ZDHHC21: variants seen among roughly 807,000 people sequenced by gnomAD.
ZDHHC21 encodes the protein zDHHC palmitoyltransferase 21, also known as palmitoyltransferase ZDHHC21.
Under a neutral mutation model 34.6 loss-of-function variants are expected in ZDHHC21, and 15 were observed. The ratio of observed to expected loss-of-function variants is 0.43; its 90% CI spans 0.29 to 0.67. The LOEUF is 0.67. ZDHHC21 is among the 30% of genes least tolerant of loss of function. ZDHHC21 has a pLI of 0.14. For missense variants in ZDHHC21, 344 were observed against 327.7 expected (o/e 1.05, Z -0.38); for synonymous variants, 142 against 101.8 (o/e 1.40, Z -2.38).
At chr9:14,665,932 T>G (rs2133988246) in intron 5 of ZDHHC21, among the ~76,000 whole-genome samples, 1 of 145,398 alleles carries the variant, frequency 6.9e-6, no homozygotes, top group South Asian at 2.3e-4. Flanking sequence ...AGGAAGAAAC[T>G]GCATCAACTA....
intron 7 of ZDHHC21, among the ~76,000 whole-genome samples, chr9:14,649,763 G>C (rs1347491872): frequency 6.6e-6 from 1 of 152,064 alleles, no homozygotes; most frequent in East Asian, 1.9e-4. Flanking sequence ...CAGGTTCATG[G>C]CTGAGGGTGA....
intron 7 of ZDHHC21, among the ~76,000 whole-genome samples, chr9:14,649,030 G>A (rs1830755944): frequency 6.6e-6 from 1 of 151,784 alleles, no homozygotes; most frequent in Non-Finnish European, 1.5e-5. Context: ...TGTTACAGGG[G>A]ACACTCTTGT....
chr9:14,675,974 T>C (rs1422325889), intron 3 of ZDHHC21, among the ~76,000 whole-genome samples: 1 of 151,816 alleles, frequency 6.6e-6, no homozygotes, highest in East Asian at 1.9e-4. Flanking sequence ...AAGCTTTCTG[T>C]GGAGAGTGAG....
At chr9:14,605,736 G>A in the ZDHHC21 span, among the ~76,000 whole-genome samples, 1 of 152,060 alleles carries the variant, frequency 6.6e-6, no homozygotes, top group Non-Finnish European at 1.5e-5. Flanking sequence ...TGTGCTTTTG[G>A]TGTTATCTCC....
At chr9:14,661,414 T>A (rs769031389) in intron 6 of ZDHHC21, among the ~76,000 whole-genome samples, 3 of 152,224 alleles carry the variant, frequency 2.0e-5, no homozygotes, top group Non-Finnish European at 2.9e-5. Flanking sequence ...TATGCATGTA[T>A]GTGTATACAA....
At chr9:14,651,951 A>C (rs1346683344) in intron 7 of ZDHHC21, among the ~76,000 whole-genome samples, 8 of 151,952 alleles carry the variant, frequency 5.3e-5, no homozygotes, top group Non-Finnish European at 7.4e-5. Flanking sequence ...AATGATTTTC[A>C]TGCCAATAAA....
At chr9:14,686,226 A>G (rs1286283398) in intron 2 of ZDHHC21, among the ~76,000 whole-genome samples, 1 of 152,118 alleles carries the variant, frequency 6.6e-6, no homozygotes, top group Non-Finnish European at 1.5e-5. Flanking sequence ...AAATAAATAA[A>G]AAAAGAAAGA....
At position 14,688,575 on chromosome 9, in the gene ZDHHC21, A is replaced by G. The variant is rs182306933; in HGVS notation, c.-176+1762T>C. On this transcript the variant is annotated intron_variant, in intron 2 of 9. Transcript: ENST00000380916. ...TAGCCACTAGTTAAAAAACAAACAA[A>G]TGGGGGCCAGGCACAGTGGCTCATG... Among the ~76,000 whole-genome samples, 137 of 143,474 alleles carry G rather than the reference A, an allele frequency of 9.5e-4. 10 individuals are homozygous for G. Among genetic ancestry groups the G allele is most frequent in the African/African-American group, 3.6e-3 (119 of 33,208 alleles). The allele number at this position is 143,474 out of a possible 152,430, so 94.1% of individuals were successfully genotyped here. A position where few individuals can be genotyped will look rare whatever the true frequency, so the allele number is the denominator to read the frequency against.
intron 7 of ZDHHC21, among the ~76,000 whole-genome samples, chr9:14,648,059 CCTCTCGGTAA>C (rs940801642): frequency 1.2e-4 from 18 of 152,030 alleles, no homozygotes; most frequent in African/African-American, 4.3e-4. Flanking sequence ...TCAGGCTCCC[CCTCTCGGTAA>C]CTGGTATCTC....
chr9:14,643,167 G>T (rs2133748035), intron 7 of ZDHHC21, among the ~76,000 whole-genome samples: 1 of 152,310 alleles, frequency 6.6e-6, no homozygotes, highest in East Asian at 1.9e-4. Flanking sequence ...AGGATCACGT[G>T]AACCTGGCAG....
Position 14,658,902 on chromosome 9 carries a change from T to C in ZDHHC21, c.366-15A>G. The C allele has an allele frequency of 1.3e-6, 2 of 1,591,518 alleles. No homozygotes were observed. Among genetic ancestry groups the C allele is most frequent in the East Asian group, 2.2e-5 (1 of 44,680 alleles). ...AATTGTTAATCCTAAAGAAAAAAAA[T>C]GAAAAAGAAACAATATTTTAAATTT... On this transcript the variant is annotated splice_polypyrimidine_tract_variant and intron_variant, in intron 6 of 9. Coordinates refer to ENST00000380916, the MANE Select transcript of ZDHHC21 (RefSeq NM_178566.6).
chr9:14,676,385 A>G (rs1836381332), intron 3 of ZDHHC21, among the ~76,000 whole-genome samples: 2 of 152,060 alleles, frequency 1.3e-5, no homozygotes, highest in South Asian at 2.1e-4. Flanking sequence ...GGCCTTGCCC[A>G]TGTTCTTCAA....
chr9:14,596,825 A>T, the ZDHHC21 span, among the ~76,000 whole-genome samples: 1 of 152,178 alleles, frequency 6.6e-6, no homozygotes, highest in Non-Finnish European at 1.5e-5. Context: ...GAAAGGGCCT[A>T]AACAGTGAGT....
Position 14,617,617 on chromosome 9 carries a change from T to C in ZDHHC21, c.*1349A>G, listed in dbSNP as rs917558040. 3 of 151,984 alleles carry C rather than the reference T, an allele frequency of 2.0e-5. No individual in the cohort carries two copies. The highest frequency in any genetic ancestry group is 4.4e-5 in the Non-Finnish European group (3 of 67,930). The allele number at this position is 151,984 out of a possible 1,614,324, so 9.4% of individuals were successfully genotyped here. ...TACATAAATTTTTTAAAAAGATATA[T>C]GGGTTTTGCAGTATTCTAATGGAAA... is the stretch of plus-strand genomic sequence containing the variant. On this transcript the variant is annotated 3_prime_UTR_variant, in exon 10 of 10. Coordinates refer to ENST00000380916, the MANE Select transcript of ZDHHC21 (RefSeq NM_178566.6).
At chr9:14,659,714 TTAACTTTGTCA>T (rs1832997968) in intron 6 of ZDHHC21, among the ~76,000 whole-genome samples, 1 of 152,240 alleles carries the variant, frequency 6.6e-6, no homozygotes, top group Non-Finnish European at 1.5e-5. Context: ...ATCGCTCTTT[TTAACTTTGTCA>T]TTAAACCATT....
chr9:14,693,325 C>A lies in ZDHHC21; in HGVS notation c.-321G>T, dbSNP rs1443660385. 2 of 415,308 alleles carry A rather than the reference C, an allele frequency of 4.8e-6. No homozygotes were observed. Among genetic ancestry groups the A allele is most frequent in the Middle Eastern group, 7.2e-4 (1 of 1,388 alleles). The allele number at this position is 415,308 out of a possible 1,614,324, so 25.7% of individuals were successfully genotyped here. A position where few individuals can be genotyped will look rare whatever the true frequency, so the allele number is the denominator to read the frequency against. ...GCGCCACCTCCGCCTCCTCCGGCGC[C>A]GCCGCCCAGGCCGGGCCGCTCTCCC... On this transcript the variant is annotated 5_prime_UTR_variant, in exon 1 of 10. Coordinates refer to ENST00000380916, the MANE Select transcript of ZDHHC21 (RefSeq NM_178566.6).
At chr9:14,635,604 G>T (rs1395132155) in intron 8 of ZDHHC21, among the ~76,000 whole-genome samples, 1 of 152,080 alleles carries the variant, frequency 6.6e-6, no homozygotes, top group Non-Finnish European at 1.5e-5. Flanking sequence ...ATAAATAAAG[G>T]AAAAAGGCAC....
Position 14,612,645 on chromosome 9 carries a change from A to C in ZDHHC21, c.*6321T>G, listed in dbSNP as rs1429283103. ...AATTTTCTGTTATCAGTTTTGCTTA[A>C]ATCAAGGTACATATGCATTTCCTCT... On this transcript the variant is annotated 3_prime_UTR_variant, in exon 10 of 10. Transcript: ENST00000380916. 2 of 151,740 alleles carry C rather than the reference A, an allele frequency of 1.3e-5. No homozygotes were observed. Among genetic ancestry groups the C allele is most frequent in the Non-Finnish European group, 2.9e-5 (2 of 67,826 alleles). The allele number at this position is 151,740 out of a possible 1,614,324, so 9.4% of individuals were successfully genotyped here.
At chr9:14,658,586 C>G (rs2133908385) in intron 7 of ZDHHC21, among the ~76,000 whole-genome samples, 163 bp downstream of exon 7, 1 of 146,856 alleles carries the variant, frequency 6.8e-6, no homozygotes, top group East Asian at 2.0e-4. Flanking sequence ...ATTCTCCTGC[C>G]TCAGCCTCCC....
Sources: gnomAD v4.1 joint callset for allele counts (sites outside exome capture counted in the v4.1 genomes callset) on GRCh38, gnomAD v4.1.1 for gene constraint, MANE v1.5 for transcripts, NCBI Gene and HGNC (gene_info 2026-07-23, HGNC 2026-07-21) for gene names.